The following POU3F3 variants were observed in gnomAD, a reference collection of about 807,000 sequenced individuals.
The protein encoded by POU3F3 is POU domain, class 3, transcription factor 3.
In POU3F3, 1 loss-of-function variant was observed where a neutral mutation model predicts 8.6. The ratio of observed to expected loss-of-function variants is 0.12; its 90% CI spans 0.04 to 0.55. The LOEUF is 0.55. POU3F3 is among the 20% of genes least tolerant of loss of function. The pLI is 0.91. For missense variants in POU3F3, 577 were observed against 690.7 expected (o/e 0.84, Z 1.84); for synonymous variants, 418 against 327.4 (o/e 1.28, Z -2.99).
At chr2:104,924,518 CG>C in the POU3F3 span, among the ~76,000 whole-genome samples, 7 of 152,150 alleles carry the variant, frequency 4.6e-5, no homozygotes, top group Non-Finnish European at 1.0e-4. Flanking sequence ...CTCATTACTT[CG>C]GATTAACTGT....
At chr2:104,921,221 C>G in the POU3F3 span, among the ~76,000 whole-genome samples, 1 of 151,992 alleles carries the variant, frequency 6.6e-6, no homozygotes, top group African/African-American at 2.4e-5. Flanking sequence ...TAGTGGTGTA[C>G]GCTTCATAGC....
At chr2:104,858,922 C>T (rs1327988767), downstream of POU3F3, among the ~76,000 whole-genome samples, 3 of 152,088 alleles carry the variant, frequency 2.0e-5, no homozygotes, top group Non-Finnish European at 4.4e-5. Context: ...AAAAATGAGC[C>T]AACTGGCTAT....
At chr2:104,897,331 C>A in the POU3F3 span, among the ~76,000 whole-genome samples, 1 of 152,202 alleles carries the variant, frequency 6.6e-6, no homozygotes, top group African/African-American at 2.4e-5. Flanking sequence ...CCACCCAGAA[C>A]TGGGGACCTG....
At chr2:104,868,127 C>T in the POU3F3 span, 12 of 377,710 alleles carry the variant, frequency 3.2e-5, no homozygotes, top group South Asian at 2.3e-4. Flanking sequence ...AAAAATCACC[C>T]GGATGACCTC....
At chr2:104,894,205 C>T in the POU3F3 span, among the ~76,000 whole-genome samples, 5 of 152,140 alleles carry the variant, frequency 3.3e-5, no homozygotes, top group Non-Finnish European at 7.3e-5. Context: ...GAGTTGTACC[C>T]GGTGCACAGC....
chr2:104,900,201 A>G, the POU3F3 span, among the ~76,000 whole-genome samples: 2 of 152,212 alleles, frequency 1.3e-5, no homozygotes, highest in Non-Finnish European at 2.9e-5. Flanking sequence ...TGGATAAAAT[A>G]AAAATGCTAT....
At chr2:104,884,835 C>T in the POU3F3 span, among the ~76,000 whole-genome samples, 3 of 152,102 alleles carry the variant, frequency 2.0e-5, no homozygotes, top group African/African-American at 7.2e-5. Context: ...TTTTGGAAAA[C>T]CTAGGTGCTC....
chr2:104,875,594 A>G, the POU3F3 span, among the ~76,000 whole-genome samples: 1 of 152,216 alleles, frequency 6.6e-6, no homozygotes, highest in African/African-American at 2.4e-5. Context: ...TTTAAAGAGC[A>G]AATGTACAAA....
the POU3F3 span, among the ~76,000 whole-genome samples, chr2:104,900,471 T>C: frequency 6.6e-6 from 1 of 152,188 alleles, no homozygotes; most frequent in African/African-American, 2.4e-5. Context: ...TTAATTAAAA[T>C]GAAAGGAAGA....
chr2:104,886,274 G>A, the POU3F3 span, among the ~76,000 whole-genome samples: 3 of 152,126 alleles, frequency 2.0e-5, no homozygotes, highest in Non-Finnish European at 4.4e-5. Flanking sequence ...CAAATACAGT[G>A]GTGATTGTAT....
chr2:104,927,596 A>T, the POU3F3 span, among the ~76,000 whole-genome samples: 12 of 151,984 alleles, frequency 7.9e-5, no homozygotes, highest in African/African-American at 2.9e-4. Context: ...TCTCTAGAAA[A>T]TTTTTTTAAA....
chr2:104,882,472 G>A, the POU3F3 span, among the ~76,000 whole-genome samples: 10 of 152,110 alleles, frequency 6.6e-5, no homozygotes, highest in African/African-American at 1.9e-4. Flanking sequence ...GGCTGGTCTC[G>A]AACACCTGAG....
rs1396124042 is a variant in POU3F3 at position 104,854,296 on chromosome 2, C to A, written c.-1215C>A. On this transcript the variant is annotated 5_prime_UTR_variant, in exon 1 of 1. Coordinates refer to ENST00000361360, the MANE Select transcript of POU3F3 (RefSeq NM_006236.3). This position sits in a 1 kb window ranked among gnomAD's most constrained non-coding sequence, Gnocchi z 4.5. ...TGCAACTCTGCTCCAGCACGGCCAG[C>A]GCCAGCGCCCGCCGTCGGTGCACTC... 6.6e-6 allele frequency among the ~76,000 whole-genome samples: 1 copy of A among 152,180 alleles called. No homozygotes were observed. The highest frequency in any genetic ancestry group is 6.5e-5 in the Admixed American group (1 of 15,282).
chr2:104,877,815 G>A, the POU3F3 span, among the ~76,000 whole-genome samples: 2 of 151,822 alleles, frequency 1.3e-5, no homozygotes, highest in South Asian at 2.1e-4. Flanking sequence ...ACACCACCAC[G>A]CCCAGCTAAT....
chr2:104,856,767 C>G lies in POU3F3; in HGVS notation c.1257C>G (p.Gly419=). 6.2e-7 allele frequency: 1 copy of G among 1,614,092 alleles called. No individual in the cohort carries two copies. The highest frequency in any genetic ancestry group is 8.5e-7 in the Non-Finnish European group (1 of 1,180,040). Residue 419 remains glycine, a synonymous_variant, in exon 1 of 1, where the codon GGC becomes GGG. Coordinates refer to ENST00000361360, the MANE Select transcript of POU3F3 (RefSeq NM_006236.3). ...CCTCTATCGAGGTGAGCGTCAAGGG[C>G]GCGCTGGAGAGCCACTTCCTCAAGT... is the stretch of plus-strand genomic sequence containing the variant. ...KRTSIEVSVK[G]ALESHFLKCP... is the part of the protein sequence containing the mutation.
the POU3F3 span, among the ~76,000 whole-genome samples, chr2:104,916,908 G>A: frequency 6.6e-6 from 1 of 152,232 alleles, no homozygotes; most frequent in East Asian, 1.9e-4. Flanking sequence ...AAAGAGATTA[G>A]CATTTGGATC....
At chr2:104,923,713 A>G in the POU3F3 span, among the ~76,000 whole-genome samples, 7 of 152,334 alleles carry the variant, frequency 4.6e-5, no homozygotes, top group Admixed American at 4.6e-4. Flanking sequence ...ATACTTCAAA[A>G]TCTCCAATCA....
At chr2:104,883,406 CCTT>C in the POU3F3 span, among the ~76,000 whole-genome samples, 7 of 152,182 alleles carry the variant, frequency 4.6e-5, no homozygotes, top group African/African-American at 1.7e-4. Flanking sequence ...TTGTTTTCCC[CCTT>C]CTTCTTCAAA....
Position 104,855,392 on chromosome 2 carries a change from A to T in POU3F3, c.-119A>T. On this transcript the variant is annotated 5_prime_UTR_variant, in exon 1 of 1. Coordinates refer to ENST00000361360, the MANE Select transcript of POU3F3 (RefSeq NM_006236.3). ...GGGCCCGGGGCGGGGGCGGGGAAGG[A>T]GGGGGGGAGGAGGCGGGAGGCGGGG... is the stretch of plus-strand genomic sequence containing the variant. 4.1e-5 allele frequency: 4 copies of T among 98,544 alleles called. No individual in the cohort carries two copies. The highest frequency in any genetic ancestry group is 3.4e-5 in the Non-Finnish European group (3 of 87,508). 6.1% of individuals were successfully genotyped at this position (98,544 alleles called of 1,614,324 possible). A position where few individuals can be genotyped will look rare whatever the true frequency, so the allele number is the denominator to read the frequency against.
Sources: gnomAD v4.1 joint callset for allele counts (sites outside exome capture counted in the v4.1 genomes callset) on GRCh38, gnomAD v4.1.1 for gene constraint, Gnocchi (gnomAD v3.1) non-coding constraint, MANE v1.5 for transcripts, NCBI Gene and HGNC (gene_info 2026-07-23, HGNC 2026-07-21) for gene names.